The following ERC1 variants were observed in gnomAD, a reference collection of about 807,000 sequenced individuals.
ERC1 encodes ELKS/RAB6-interacting/CAST family member 1.
In ERC1, 56 loss-of-function variants were observed where a neutral mutation model predicts 132.0. That is an observed-to-expected ratio of 0.42 (90% CI 0.34 to 0.53). The LOEUF is 0.53. ERC1 is among the 20% of genes least tolerant of loss of function. The pLI, the probability that ERC1 is intolerant of heterozygous loss-of-function variation, is 0.03. For synonymous variants in ERC1, 478 were observed against 476.1 expected, an observed-to-expected ratio of 1.00 and a Z score of -0.05; for missense variants, 1,202 against 1,349.9, an observed-to-expected ratio of 0.89 and a Z score of 1.72.
chr12:1,341,352 G>T (rs1361408767), intron 15 of ERC1, among the ~76,000 whole-genome samples: 1 of 151,726 alleles, frequency 6.6e-6, no homozygotes, highest in Non-Finnish European at 1.5e-5. Flanking sequence ...CTACTATAAA[G>T]ACATGCACAC....
At chr12:1,108,459 T>TTTC (rs1284439361) in intron 4 of ERC1, among the ~76,000 whole-genome samples, 1 of 152,168 alleles carries the variant, frequency 6.6e-6, no homozygotes. Flanking sequence ...GCTGGTCCAG[T>TTTC]TTCATTACCA....
In ERC1 at chr12:1,405,321, G is replaced by A. The variant is rs115824403; in HGVS notation, c.2926-2828G>A. Among the ~76,000 whole-genome samples, 804 of 150,862 alleles carry A rather than the reference G, an allele frequency of 5.3e-3. 9 individuals are homozygous for A. The highest frequency in any genetic ancestry group is 0.019 in the African/African-American group (776 of 41,156). ...TTTTTTTTTTCTATCGTTATGTACTGGAGGGAGGAATTGACTTTAAAATGT... is the reference window on the plus strand; with the variant it reads ...TTTTTTTTTTCTATCGTTATGTACTAGAGGGAGGAATTGACTTTAAAATGT... On this transcript the variant is annotated intron_variant, in intron 16 of 18. Transcript: ENST00000360905.
At chr12:1,180,970 C>T (rs765862249) in intron 9 of ERC1, among the ~76,000 whole-genome samples, 2 of 151,950 alleles carry the variant, frequency 1.3e-5, no homozygotes, top group Non-Finnish European at 2.9e-5. Context: ...AGCCACCATG[C>T]CCAAGTAATT....
In ERC1 at chr12:1,493,603, C is replaced by G. The variant is rs2094338945; in HGVS notation, c.*3373C>G. On this transcript the variant is annotated 3_prime_UTR_variant, in exon 19 of 19. Transcript: ENST00000360905. ...TGGATGGGAATCACCAAATTCATCT[C>G]AGCTCTAACCTTTTAACCTTTGTCC... The G allele has an allele frequency of 8.6e-6, 1 of 115,682 alleles. No individual in the cohort carries two copies. The highest frequency in any genetic ancestry group is 9.8e-5 in the Admixed American group (1 of 10,250). 7.2% of individuals were successfully genotyped at this position (115,682 alleles called of 1,614,324 possible). A position where few individuals can be genotyped will look rare whatever the true frequency, so the allele number is the denominator to read the frequency against.
intron 16 of ERC1, among the ~76,000 whole-genome samples, chr12:1,394,437 T>C (rs549619705): frequency 6.6e-6 from 1 of 152,242 alleles, no homozygotes; most frequent in Admixed American, 6.5e-5. Context: ...TATTACTTCT[T>C]GTTTTCGTGG....
chr12:1,300,899 C>T (rs2080342647), intron 15 of ERC1, among the ~76,000 whole-genome samples: 1 of 151,994 alleles, frequency 6.6e-6, no homozygotes, highest in Non-Finnish European at 1.5e-5. Context: ...GGCGATTCCT[C>T]AAAGACCTAA....
chr12:991,387 C>T (rs1458460782), intron 1 of ERC1, 65 bp downstream of exon 1: 2 of 155,282 alleles, frequency 1.3e-5, no homozygotes, highest in African/African-American at 4.8e-5. Flanking sequence ...TCCCCCCTGT[C>T]GCTAGTGCTG....
intron 15 of ERC1, among the ~76,000 whole-genome samples, chr12:1,293,440 A>G (rs61912048): frequency 0.069 from 5,943 of 86,522 alleles, 426 homozygotes; most frequent in African/African-American, 0.19. Flanking sequence ...GCGACAGAGC[A>G]AAACTCCATC....
At chr12:1,012,898 A>G (rs1413475784) in intron 1 of ERC1, among the ~76,000 whole-genome samples, 1 of 152,164 alleles carries the variant, frequency 6.6e-6, no homozygotes, top group East Asian at 1.9e-4. Flanking sequence ...AATGGTCCCT[A>G]ATTTCTTCAT....
intron 8 of ERC1, chr12:1,152,971 G>C (rs1183717563): frequency 6.6e-6 from 1 of 152,380 alleles, no homozygotes; most frequent in African/African-American, 2.4e-5. Context: ...GAAGTTCCCA[G>C]CTCCTAAGCC....
intron 11 of ERC1, among the ~76,000 whole-genome samples, chr12:1,188,582 A>G (rs537530867): frequency 1.2e-4 from 19 of 152,362 alleles, no homozygotes; most frequent in Admixed American, 2.6e-4. Flanking sequence ...TATCAAGGTT[A>G]AGGGTTAGGG....
intron 14 of ERC1, among the ~76,000 whole-genome samples, chr12:1,277,950 A>G (rs888898094): frequency 9.8e-5 from 15 of 152,328 alleles, no homozygotes; most frequent in Non-Finnish European, 2.2e-4. Flanking sequence ...AATTCTGTCA[A>G]GAGGAACCTC....
intron 15 of ERC1, among the ~76,000 whole-genome samples, chr12:1,360,450 A>G (rs906208770): frequency 6.6e-6 from 1 of 152,170 alleles, no homozygotes; most frequent in Non-Finnish European, 1.5e-5. Flanking sequence ...CTTTTCTTGG[A>G]AATTGCTTTC....
intron 1 of ERC1, among the ~76,000 whole-genome samples, chr12:996,303 T>G (rs1960879893): frequency 7.0e-6 from 1 of 141,910 alleles, no homozygotes; most frequent in African/African-American, 2.6e-5. Flanking sequence ...AGTGTTTCAC[T>G]GTGTTAGCCA....
intron 16 of ERC1, among the ~76,000 whole-genome samples, chr12:1,405,401 T>C (rs558964746): frequency 1.3e-5 from 2 of 151,984 alleles, no homozygotes; most frequent in African/African-American, 4.8e-5. Flanking sequence ...AGTATGGGAC[T>C]CACTAAATAT....
chr12:1,111,669 A>C (rs11061637), intron 5 of ERC1, among the ~76,000 whole-genome samples: 4,139 of 148,360 alleles, frequency 0.028, 98 homozygotes, highest in South Asian at 0.11. Context: ...ACCAGGCTGG[A>C]GTGCAGTGGC....
chr12:1,091,366 C>A (rs1244819316), intron 3 of ERC1, among the ~76,000 whole-genome samples: 1 of 152,084 alleles, frequency 6.6e-6, no homozygotes, highest in Admixed American at 6.5e-5. Flanking sequence ...CAGTGGAGAT[C>A]TGAAGAGAAG....
intron 1 of ERC1, among the ~76,000 whole-genome samples, chr12:993,672 G>A (rs147886618): frequency 6.6e-6 from 1 of 152,170 alleles, no homozygotes; most frequent in Non-Finnish European, 1.5e-5. Context: ...GGGAGGCCGA[G>A]GCAGGCGGAT....
chr12:1,488,346 A>G (rs1361500771), intron 18 of ERC1, among the ~76,000 whole-genome samples: 2 of 152,042 alleles, frequency 1.3e-5, no homozygotes, highest in Admixed American at 6.6e-5. Context: ...AACAGTTAGA[A>G]CACCTAATAT....
Sources: allele counts gnomAD v4.1 joint callset (sites outside exome capture counted in the v4.1 genomes callset), GRCh38; gene constraint gnomAD v4.1.1; transcripts MANE v1.5; gene names NCBI Gene and HGNC (gene_info 2026-07-23, HGNC 2026-07-21).